The following LPAR1 variants were observed in gnomAD, a reference collection of about 807,000 sequenced individuals.
LPAR1 encodes LPA receptor 1.
LPAR1 carries 5 observed loss-of-function variants against 23.8 expected under a neutral mutation model. That is an observed-to-expected ratio of 0.21 (90% CI 0.11 to 0.44). The LOEUF (loss-of-function observed/expected upper bound fraction) is 0.44, where lower values mean the gene tolerates loss of function less well. Ranked by LOEUF, LPAR1 falls within the 20% of genes least tolerant of loss-of-function variation. LPAR1 has a pLI of 0.99. For missense variants in LPAR1, 311 were observed against 482.8 expected, an observed-to-expected ratio of 0.64 and a Z score of 3.33; for synonymous variants, 160 against 164.7, an observed-to-expected ratio of 0.97 and a Z score of 0.22.
intron 2 of LPAR1, among the ~76,000 whole-genome samples, chr9:111,022,067 G>C (rs895109822): frequency 5.3e-5 from 8 of 151,020 alleles, no homozygotes; most frequent in Admixed American, 5.3e-4. Flanking sequence ...CAATGTGAAG[G>C]AATTAGTGCC....
intron 2 of LPAR1, among the ~76,000 whole-genome samples, chr9:110,977,238 T>C (rs1277450759): frequency 1.3e-5 from 2 of 152,144 alleles, no homozygotes; most frequent in African/African-American, 2.4e-5. Flanking sequence ...TTGGGGTACA[T>C]TTAAAACACA....
At chr9:110,995,294 T>TA (rs1311161420) in intron 2 of LPAR1, among the ~76,000 whole-genome samples, 1 of 152,128 alleles carries the variant, frequency 6.6e-6, no homozygotes, top group African/African-American at 2.4e-5. Context: ...AGCCTCTAAT[T>TA]AAACTGGAGA....
chr9:110,896,309 T>A (rs908671317), intron 5 of LPAR1, among the ~76,000 whole-genome samples: 1 of 152,226 alleles, frequency 6.6e-6, no homozygotes, highest in African/African-American at 2.4e-5. Flanking sequence ...TTCAGGTCAT[T>A]TGTGGCCTTT....
intron 2 of LPAR1, among the ~76,000 whole-genome samples, chr9:111,031,427 AAAGAAAGAAG>A (rs1261632480): frequency 6.6e-6 from 1 of 151,324 alleles, no homozygotes; most frequent in Admixed American, 6.6e-5. Context: ...AAGAAAAGAA[AAAGAAAGAAG>A]AAGAAAGAAA....
chr9:110,887,125 T>C (rs919009817), intron 5 of LPAR1, among the ~76,000 whole-genome samples: 1 of 152,128 alleles, frequency 6.6e-6, no homozygotes, highest in African/African-American at 2.4e-5. Flanking sequence ...GCTCATAGAA[T>C]GTAGCTGATG....
At chr9:110,900,382 G>A (rs2088364049) in intron 5 of LPAR1, among the ~76,000 whole-genome samples, 1 of 152,150 alleles carries the variant, frequency 6.6e-6, no homozygotes, top group Non-Finnish European at 1.5e-5. Context: ...GGATAAGGAT[G>A]TGAGCATCTT....
At chr9:110,943,986 C>T (rs1402264265) in intron 4 of LPAR1, among the ~76,000 whole-genome samples, 2 of 152,048 alleles carry the variant, frequency 1.3e-5, no homozygotes, top group East Asian at 3.8e-4. Flanking sequence ...TCAGACCTTA[C>T]TTACCTGCCT....
chr9:110,976,700 C>T (rs1490772063), intron 2 of LPAR1, among the ~76,000 whole-genome samples: 1 of 152,126 alleles, frequency 6.6e-6, no homozygotes, highest in Non-Finnish European at 1.5e-5. Flanking sequence ...GCTGCCTCTT[C>T]TCTTCTTTCC....
At chr9:110,920,965 C>T (rs1208361782) in intron 5 of LPAR1, among the ~76,000 whole-genome samples, 1 of 144,392 alleles carries the variant, frequency 6.9e-6, no homozygotes, top group Non-Finnish European at 1.5e-5. Flanking sequence ...TCAACAACAA[C>T]AACAAATTTT....
chr9:111,001,107 A>G (rs145455636), intron 2 of LPAR1, among the ~76,000 whole-genome samples: 310 of 152,360 alleles, frequency 2.0e-3, no homozygotes, highest in African/African-American at 7.4e-3. Context: ...AATATCAGGA[A>G]TAACAAGAAT....
At chr9:110,980,188 A>G (rs995160105) in intron 2 of LPAR1, among the ~76,000 whole-genome samples, 1 of 152,140 alleles carries the variant, frequency 6.6e-6, no homozygotes, top group Non-Finnish European at 1.5e-5. Flanking sequence ...CACATGGTAC[A>G]TCTATAAATA....
chr9:110,976,009 A>G (rs2096545968), intron 2 of LPAR1, among the ~76,000 whole-genome samples: 1 of 152,148 alleles, frequency 6.6e-6, no homozygotes, highest in South Asian at 2.1e-4. Context: ...CATGAAATCT[A>G]TTTACTTCTC....
At position 110,874,027 on chromosome 9, in the gene LPAR1, TCCTC is replaced by T. The variant is rs2078617720; in HGVS notation, c.*1390_*1393del. ...GTAAAAAGGTCATTTGACTGGCTTT[TCCTC>T]ACAACTGCCACCCATGCAGTACAAA... On this transcript the variant is annotated 3_prime_UTR_variant, in exon 6 of 6. Coordinates refer to ENST00000683809, the MANE Select transcript of LPAR1 (RefSeq NM_001351411.2). The T allele has an allele frequency of 6.6e-6, 1 of 152,646 alleles. No individual in the cohort carries two copies. Among genetic ancestry groups the T allele is most frequent in the Admixed American group, 6.5e-5 (1 of 15,276 alleles). The allele number at this position is 152,646 out of a possible 1,614,324, so 9.5% of individuals were successfully genotyped here. A position where few individuals can be genotyped will look rare whatever the true frequency, so the allele number is the denominator to read the frequency against.
At chr9:110,902,580 T>G (rs2089640127) in intron 5 of LPAR1, among the ~76,000 whole-genome samples, 2 of 152,106 alleles carry the variant, frequency 1.3e-5, no homozygotes, top group Non-Finnish European at 2.9e-5. Flanking sequence ...CTTTATAAAT[T>G]ACCCAGTCTC....
chr9:110,977,842 A>G (rs868084740), intron 2 of LPAR1, among the ~76,000 whole-genome samples: 37 of 100,352 alleles, frequency 3.7e-4, no homozygotes, highest in Admixed American at 9.8e-4. Context: ...GAGGGAAGGA[A>G]GGAGGGAAGG....
chr9:110,992,866 G>A (rs1486621891), intron 2 of LPAR1, among the ~76,000 whole-genome samples: 1 of 152,102 alleles, frequency 6.6e-6, no homozygotes, highest in African/African-American at 2.4e-5. Flanking sequence ...TCAAACAACA[G>A]GAGAAAAGCT....
intron 4 of LPAR1, among the ~76,000 whole-genome samples, chr9:110,953,179 G>A (rs1043900877): frequency 1.3e-5 from 2 of 152,094 alleles, no homozygotes; most frequent in Non-Finnish European, 2.9e-5. Context: ...GCCCACTCAG[G>A]CAAGCCTGGA....
intron 5 of LPAR1, among the ~76,000 whole-genome samples, chr9:110,923,308 T>C (rs1415120534): frequency 2.0e-5 from 3 of 152,190 alleles, no homozygotes; most frequent in Admixed American, 6.5e-5. Flanking sequence ...TGACTTACAA[T>C]GGTTTGATTT....
chr9:110,976,380 C>T (rs769186189), intron 2 of LPAR1, among the ~76,000 whole-genome samples: 5 of 151,826 alleles, frequency 3.3e-5, no homozygotes, highest in East Asian at 1.9e-4. Flanking sequence ...GCGGCAGGCG[C>T]CTGTAATCCC....
Sources: allele counts gnomAD v4.1 joint callset (sites outside exome capture counted in the v4.1 genomes callset), GRCh38; gene constraint gnomAD v4.1.1; transcripts MANE v1.5; gene names NCBI Gene and HGNC (gene_info 2026-07-23, HGNC 2026-07-21).